ATP8B4: variants seen among roughly 807,000 people sequenced by gnomAD.
ATP8B4 encodes probable phospholipid-transporting ATPase IM.
Under a neutral mutation model 145.6 loss-of-function variants are expected in ATP8B4, and 133 were observed. The ratio of observed to expected loss-of-function variants is 0.91; its 90% confidence interval spans 0.79 to 1.05. The LOEUF is 1.05. Among genes scored for constraint, ATP8B4 ranks in the 50% least tolerant of loss-of-function variants. The pLI, the probability that ATP8B4 is intolerant of heterozygous loss-of-function variation, is 0.00. For missense variants in ATP8B4, 1,458 were observed against 1,425.2 expected (o/e 1.02, Z -0.37); for synonymous variants, 507 against 492.9 (o/e 1.03, Z -0.38).
At chr15:50,085,485 C>T (rs2054840997) in intron 2 of ATP8B4, among the ~76,000 whole-genome samples, 1 of 151,950 alleles carries the variant, frequency 6.6e-6, no homozygotes, top group African/African-American at 2.4e-5. Context: ...TATTGGTGGT[C>T]AGGAATGCAG....
chr15:49,994,131 A>G (rs1311033287), intron 9 of ATP8B4, among the ~76,000 whole-genome samples: 2 of 152,168 alleles, frequency 1.3e-5, no homozygotes, highest in East Asian at 3.8e-4. Flanking sequence ...GTATTGGTTT[A>G]AATTTGGAGC....
At chr15:50,076,711 C>T (rs968382000) in intron 2 of ATP8B4, among the ~76,000 whole-genome samples, 1 of 152,100 alleles carries the variant, frequency 6.6e-6, no homozygotes, top group African/African-American at 2.4e-5. Flanking sequence ...CTTAATAAGT[C>T]TTAATCGTTG....
chr15:49,870,605 G>A (rs1244494967), intron 25 of ATP8B4, among the ~76,000 whole-genome samples: 1 of 152,152 alleles, frequency 6.6e-6, no homozygotes, highest in Non-Finnish European at 1.5e-5. Flanking sequence ...GTGAGGAAAG[G>A]ATATTAATGC....
At chr15:49,993,968 A>T (rs968529436) in intron 9 of ATP8B4, among the ~76,000 whole-genome samples, 1 of 152,166 alleles carries the variant, frequency 6.6e-6, no homozygotes, top group South Asian at 2.1e-4. Flanking sequence ...TTCAAGTCAT[A>T]TCTAGTAAGT....
At chr15:50,167,797 A>G (rs1314297219) in intron 1 of ATP8B4, among the ~76,000 whole-genome samples, 1 of 152,236 alleles carries the variant, frequency 6.6e-6, no homozygotes, top group Admixed American at 6.5e-5. Flanking sequence ...AAATGGGAAT[A>G]ATGTTTGTCC....
intron 14 of ATP8B4, among the ~76,000 whole-genome samples, chr15:49,958,677 G>A (rs969385595): frequency 1.8e-4 from 28 of 151,934 alleles, no homozygotes; most frequent in African/African-American, 6.3e-4. Context: ...AAATAAATGT[G>A]AATTTAAAAG....
At chr15:50,086,415 TAATATAGAGATCTATAATTATATATAATA>T (rs1431368282) in intron 2 of ATP8B4, among the ~76,000 whole-genome samples, 1,236 of 29,240 alleles carry the variant, frequency 0.042, 412 homozygotes, top group African/African-American at 0.16. Context: ...TATAATAAAA[TAATATAGAGATCTATAATTATATATAATA>T]AAATAATAGA....
At chr15:49,897,893 G>T (rs2037584151) in intron 22 of ATP8B4, among the ~76,000 whole-genome samples, 175 bp downstream of exon 22, 2 of 152,122 alleles carry the variant, frequency 1.3e-5, no homozygotes, top group Non-Finnish European at 2.9e-5. Flanking sequence ...TAAAGACAAA[G>T]AAATTTTGTT....
intron 20 of ATP8B4, among the ~76,000 whole-genome samples, chr15:49,909,326 A>G (rs2153442415): frequency 6.6e-6 from 1 of 152,272 alleles, no homozygotes; most frequent in South Asian, 2.1e-4. Context: ...CCACCCGTGG[A>G]CCTGGGGAAT....
chr15:49,971,348 A>G (rs2045109042), intron 13 of ATP8B4, among the ~76,000 whole-genome samples: 1 of 152,242 alleles, frequency 6.6e-6, no homozygotes, highest in South Asian at 2.1e-4. Context: ...ACAGAATGGG[A>G]GAAAATATTT....
At chr15:49,925,879 G>T (rs2040670704) in intron 16 of ATP8B4, among the ~76,000 whole-genome samples, 1 of 152,098 alleles carries the variant, frequency 6.6e-6, no homozygotes, top group Admixed American at 6.6e-5. Context: ...AGTCATTTCA[G>T]AAGTTAGTAT....
chr15:50,159,948 A>G (rs2044490335), intron 1 of ATP8B4, among the ~76,000 whole-genome samples: 1 of 148,252 alleles, frequency 6.7e-6, no homozygotes, highest in African/African-American at 2.5e-5. Flanking sequence ...ATTTTTTGGA[A>G]TAGTTTGAGT....
At chr15:50,177,747 A>G (rs1177642491) in intron 1 of ATP8B4, among the ~76,000 whole-genome samples, 1 of 152,218 alleles carries the variant, frequency 6.6e-6, no homozygotes, top group African/African-American at 2.4e-5. Flanking sequence ...AATACCTGGT[A>G]ACTTCTTAGA....
chr15:50,034,091 G>T (rs1337392206), intron 6 of ATP8B4, among the ~76,000 whole-genome samples: 1 of 152,136 alleles, frequency 6.6e-6, no homozygotes, highest in Non-Finnish European at 1.5e-5. Flanking sequence ...TAATGAAATT[G>T]CTGGGTCAAA....
chr15:49,876,739 AAG>A (rs2034492996), intron 24 of ATP8B4: 1 of 745,132 alleles, frequency 1.3e-6, no homozygotes, highest in South Asian at 1.5e-5. Context: ...TTGAGTCTCC[AAG>A]AGAGATTCAT....
chr15:50,008,684 C>T (rs914373176), intron 7 of ATP8B4, among the ~76,000 whole-genome samples: 1 of 152,064 alleles, frequency 6.6e-6, no homozygotes, highest in African/African-American at 2.4e-5. Context: ...CAATTGGAGC[C>T]TAGATCTGCT....
chr15:49,969,465 T>C (rs927703871), intron 13 of ATP8B4, among the ~76,000 whole-genome samples: 3 of 151,866 alleles, frequency 2.0e-5, no homozygotes, highest in Non-Finnish European at 4.4e-5. Flanking sequence ...CACACAGAAA[T>C]AAAACTACCA....
intron 2 of ATP8B4, among the ~76,000 whole-genome samples, chr15:50,083,019 C>A (rs1026884879): frequency 6.6e-6 from 1 of 152,164 alleles, no homozygotes; most frequent in Admixed American, 6.5e-5. Flanking sequence ...TGGGAAACTG[C>A]AAATTGGTGT....
chr15:50,106,935 T>G lies in ATP8B4; in HGVS notation c.28+4A>C. 1 of 1,597,556 alleles carries G rather than the reference T, an allele frequency of 6.3e-7. No individual in the cohort carries two copies. Among genetic ancestry groups the G allele is most frequent in the Non-Finnish European group, 8.5e-7 (1 of 1,173,838 alleles). ...TTGCATCATTGGAAGAACTCAAAAC[T>G]TACCACGCAATTTCTTTTCACTGCA... On this transcript the variant is annotated splice_donor_region_variant and intron_variant, in intron 2 of 27. Transcript: ENST00000284509.
Sources: allele counts gnomAD v4.1 joint callset (sites outside exome capture counted in the v4.1 genomes callset), GRCh38; gene constraint gnomAD v4.1.1; transcripts MANE v1.5; gene names NCBI Gene and HGNC (gene_info 2026-07-23, HGNC 2026-07-21).